The following EXOC4 variants were observed in gnomAD, a reference collection of about 807,000 sequenced individuals.
EXOC4 encodes the protein exocyst complex component 4, also known as SEC8-like 1.
Under a neutral mutation model 107.2 loss-of-function variants are expected in EXOC4, and 71 were observed. The ratio of observed to expected loss-of-function variants is 0.66; its 90% CI spans 0.55 to 0.81. EXOC4 has a LOEUF of 0.81. Among genes scored for constraint, EXOC4 ranks in the 30% least tolerant of loss-of-function variants. EXOC4 has a pLI of 0.00. For synonymous variants in EXOC4, 456 were observed against 441.2 expected (o/e 1.03, Z -0.42); for missense variants, 1,108 against 1,189.6 (o/e 0.93, Z 1.01).
intron 9 of EXOC4, among the ~76,000 whole-genome samples, chr7:133,516,818 A>C (rs1799886332): frequency 7.8e-6 from 1 of 128,908 alleles, no homozygotes; most frequent in Admixed American, 9.4e-5. Context: ...TTTAGTTAAG[A>C]TATTTTTACT....
intron 13 of EXOC4, among the ~76,000 whole-genome samples, chr7:133,922,938 T>C (rs1352314289): frequency 2.0e-5 from 3 of 152,076 alleles, no homozygotes; most frequent in Non-Finnish European, 2.9e-5. Context: ...TTCATCATTC[T>C]GCTGGGCTCT....
chr7:133,392,088 C>T (rs555551953), intron 7 of EXOC4, among the ~76,000 whole-genome samples: 3 of 152,304 alleles, frequency 2.0e-5, no homozygotes, highest in Admixed American at 1.3e-4. Context: ...TGAGAACTAT[C>T]GGACCATAGG....
At chr7:133,618,348 C>A (rs1460263926) in intron 9 of EXOC4, among the ~76,000 whole-genome samples, 3 of 151,446 alleles carry the variant, frequency 2.0e-5, no homozygotes, top group Non-Finnish European at 2.9e-5. Context: ...ATCTTTGTTG[C>A]CAAATCTTAA....
chr7:133,427,551 T>C (rs1563061539), intron 7 of EXOC4, among the ~76,000 whole-genome samples: 1 of 152,216 alleles, frequency 6.6e-6, no homozygotes, highest in Non-Finnish European at 1.5e-5. Flanking sequence ...GTTTGTATCT[T>C]GGATTAGCTT....
At position 133,925,514 on chromosome 7, in the gene EXOC4, G is replaced by A. The variant is rs186178653; in HGVS notation, c.2027+7776G>A. On this transcript the variant is annotated intron_variant, in intron 13 of 17. Coordinates refer to ENST00000253861, the MANE Select transcript of EXOC4 (RefSeq NM_021807.4). ...AATTAACAGAAGGGATAAGGTGTTG[G>A]GGAAGCAAAGAGGACAGGGAAGGAG... 6.0e-3 allele frequency among the ~76,000 whole-genome samples: 919 copies of A among 152,182 alleles called. 3 individuals are homozygous for A. The highest frequency in any genetic ancestry group is 0.01 in the Middle Eastern group (3 of 294).
chr7:134,017,681 T>C lies in EXOC4; in HGVS notation c.2687+9846T>C, dbSNP rs554921296. Among the ~76,000 whole-genome samples, 4 of 152,260 alleles carry C rather than the reference T, an allele frequency of 2.6e-5. No homozygotes were observed. The East Asian group carries it at 7.7e-4, about 29-fold the overall frequency. The stretch of plus-strand genomic sequence containing the variant: ...TTAATTAGGACTCCTTGAATGCGGG[T>C]GAGCATGCCTTACTGGTCTGCATAT... On this transcript the variant is annotated intron_variant, in intron 17 of 17. Transcript: ENST00000253861.
intron 3 of EXOC4, among the ~76,000 whole-genome samples, chr7:133,299,618 C>T (rs1304962628): frequency 6.6e-6 from 1 of 152,130 alleles, no homozygotes; most frequent in Non-Finnish European, 1.5e-5. Flanking sequence ...GAAGAAGTCA[C>T]ATTTGATCCT....
At chr7:133,667,332 AT>A (rs1237996486) in intron 10 of EXOC4, among the ~76,000 whole-genome samples, 1 of 149,246 alleles carries the variant, frequency 6.7e-6, no homozygotes, top group Non-Finnish European at 1.5e-5. Context: ...CACATCCATC[AT>A]TTGCCTTCTT....
At chr7:133,615,229 A>T (rs1802012409) in intron 9 of EXOC4, among the ~76,000 whole-genome samples, 1 of 146,418 alleles carries the variant, frequency 6.8e-6, no homozygotes, top group African/African-American at 2.5e-5. Context: ...TGTCTCTTCC[A>T]CTCCTGAGAC....
intron 10 of EXOC4, among the ~76,000 whole-genome samples, chr7:133,798,597 C>A (rs1025872310): frequency 4.6e-5 from 7 of 152,092 alleles, no homozygotes; most frequent in African/African-American, 1.4e-4. Context: ...GATATTATTT[C>A]CTCATTTTAC....
chr7:133,823,009 T>G (rs1027401311), intron 11 of EXOC4, among the ~76,000 whole-genome samples: 1 of 152,218 alleles, frequency 6.6e-6, no homozygotes, highest in Non-Finnish European at 1.5e-5. Flanking sequence ...TGTTTCCAAG[T>G]ACAGGATGAG....
chr7:134,043,879 A>C (rs1795584293), intron 17 of EXOC4, among the ~76,000 whole-genome samples: 1 of 152,168 alleles, frequency 6.6e-6, no homozygotes, highest in African/African-American at 2.4e-5. Flanking sequence ...ATTCTTCCTC[A>C]TCTTTTCCCT....
At chr7:133,611,622 T>C (rs1802078069) in intron 9 of EXOC4, among the ~76,000 whole-genome samples, 1 of 152,130 alleles carries the variant, frequency 6.6e-6, no homozygotes, top group African/African-American at 2.4e-5. Flanking sequence ...TTTCACTGCC[T>C]TGAATGTGTC....
the EXOC4 span, among the ~76,000 whole-genome samples, chr7:134,094,759 A>G: frequency 7.8e-3 from 1,181 of 152,294 alleles, 21 homozygotes; most frequent in African/African-American, 0.028. Flanking sequence ...ATAAATACAG[A>G]AAAATATTTC....
chr7:133,857,137 T>C (rs1212996832), intron 11 of EXOC4, among the ~76,000 whole-genome samples: 2 of 71,096 alleles, frequency 2.8e-5, no homozygotes, highest in East Asian at 3.8e-4. Flanking sequence ...TATATATATA[T>C]ACACATACAC....
At chr7:133,291,337 G>A (rs1352678795) in intron 3 of EXOC4, among the ~76,000 whole-genome samples, 3 of 150,334 alleles carry the variant, frequency 2.0e-5, no homozygotes, top group African/African-American at 4.9e-5. Flanking sequence ...ATTAAAAATC[G>A]TAATGCAAAA....
chr7:133,884,405 GTGT>G (rs369760892), intron 11 of EXOC4, among the ~76,000 whole-genome samples: 3 of 152,288 alleles, frequency 2.0e-5, no homozygotes, highest in African/African-American at 7.2e-5. Context: ...CATATGGCTG[GTGT>G]TCCATGAAAT....
At chr7:133,844,949 T>C (rs1798094310) in intron 11 of EXOC4, among the ~76,000 whole-genome samples, 1 of 152,168 alleles carries the variant, frequency 6.6e-6, no homozygotes, top group Admixed American at 6.5e-5. Flanking sequence ...GCAAATTTCA[T>C]TGTATCAAAT....
At chr7:133,972,526 A>T (rs1326217233) in intron 14 of EXOC4, among the ~76,000 whole-genome samples, 5 of 152,258 alleles carry the variant, frequency 3.3e-5, no homozygotes, top group Non-Finnish European at 1.5e-5. Flanking sequence ...ACAAATAGGT[A>T]TAATGACATT....
Sources: allele counts gnomAD v4.1 joint callset (sites outside exome capture counted in the v4.1 genomes callset), GRCh38; gene constraint gnomAD v4.1.1; transcripts MANE v1.5; gene names NCBI Gene and HGNC (gene_info 2026-07-23, HGNC 2026-07-21).